The following CIROZ variants were observed in gnomAD, a reference collection of about 807,000 sequenced individuals.
CIROZ encodes ciliated left-right organizer ZP-N domains-containing protein.
At chr1:10,969,439 G>T in the CIROZ span, among the ~76,000 whole-genome samples, 2 of 152,114 alleles carry the variant, frequency 1.3e-5, no homozygotes, top group Admixed American at 6.6e-5. Context: ...TTTTAGGTGC[G>T]CTCTTCCCCC....
the CIROZ span, chr1:10,957,037 G>A: frequency 6.4e-7 from 1 of 1,551,238 alleles, no homozygotes; most frequent in Admixed American, 2.0e-5. Flanking sequence ...TGGGCAAGCA[G>A]CTTCTAAAGA....
the CIROZ span, among the ~76,000 whole-genome samples, chr1:10,961,532 T>C: frequency 6.6e-6 from 1 of 152,220 alleles, no homozygotes; most frequent in East Asian, 1.9e-4. Flanking sequence ...ACACTCATTT[T>C]TGAAGCTCAG....
At chr1:10,947,805 A>T in the CIROZ span, 1 of 1,599,356 alleles carries the variant, frequency 6.3e-7, no homozygotes, top group Non-Finnish European at 8.6e-7. Flanking sequence ...GGGGTATTCA[A>T]GCTCCACCAG....
the CIROZ span, chr1:10,948,071 G>C: frequency 6.2e-7 from 1 of 1,613,410 alleles, no homozygotes; most frequent in Non-Finnish European, 8.5e-7. Flanking sequence ...TGGGCATCCC[G>C]GTGAGTTCAG....
chr1:10,970,186 G>C, the CIROZ span: 108 of 1,132,752 alleles, frequency 9.5e-5, no homozygotes, highest in Non-Finnish European at 1.2e-4. Flanking sequence ...GGAAAAGAAG[G>C]AGCTCCTCTC....
chr1:10,968,204 G>A, the CIROZ span, among the ~76,000 whole-genome samples: 6 of 152,122 alleles, frequency 3.9e-5, no homozygotes, highest in Non-Finnish European at 7.4e-5. Flanking sequence ...AAAAATAAAG[G>A]GGGCTATCTC....
At chr1:10,975,018 T>A in the CIROZ span, among the ~76,000 whole-genome samples, 2 of 152,114 alleles carry the variant, frequency 1.3e-5, no homozygotes, top group Non-Finnish European at 2.9e-5. Flanking sequence ...ACGCCTGTCA[T>A]CCCAGCACTT....
At chr1:10,961,946 C>A in the CIROZ span, among the ~76,000 whole-genome samples, 1 of 152,114 alleles carries the variant, frequency 6.6e-6, no homozygotes, top group Admixed American at 6.5e-5. Context: ...GACTCTGTCT[C>A]AAAATAAATA....
chr1:10,947,592 C>G, the CIROZ span: 1 of 1,275,648 alleles, frequency 7.8e-7, no homozygotes. Context: ...CGACCCATCA[C>G]TGCCTCCCAC....
At chr1:10,975,970 C>T in the CIROZ span, among the ~76,000 whole-genome samples, 2 of 152,128 alleles carry the variant, frequency 1.3e-5, no homozygotes, top group African/African-American at 4.8e-5. Context: ...CTCCAGCACT[C>T]GGCCTGCAGG....
At chr1:10,965,570 C>G in the CIROZ span, among the ~76,000 whole-genome samples, 2 of 151,858 alleles carry the variant, frequency 1.3e-5, no homozygotes, top group African/African-American at 2.4e-5. Context: ...ACAAAAAGTA[C>G]AAAAATTACC....
the CIROZ span, among the ~76,000 whole-genome samples, chr1:10,980,810 G>C: frequency 6.6e-6 from 1 of 152,224 alleles, no homozygotes; most frequent in African/African-American, 2.4e-5. Flanking sequence ...CCCCATCCCA[G>C]TCTGGGGGGA....
At chr1:10,969,889 TG>T in the CIROZ span, 1 of 1,439,910 alleles carries the variant, frequency 6.9e-7, no homozygotes, top group Non-Finnish European at 9.1e-7. Context: ...GCAAGAGCCA[TG>T]GGGGAGGAGC....
the CIROZ span, chr1:10,982,052 GCT>G: frequency 6.5e-7 from 1 of 1,537,078 alleles, no homozygotes; most frequent in African/African-American, 1.4e-5. Context: ...AGGCCCAGCA[GCT>G]CTCTCCTGCC....
the CIROZ span, chr1:10,957,770 C>T: frequency 4.7e-5 from 76 of 1,606,520 alleles, no homozygotes; most frequent in African/African-American, 3.3e-4. Context: ...AAAGAGGACA[C>T]GATCACAAAC....
the CIROZ span, chr1:10,947,697 C>A: frequency 1.3e-6 from 2 of 1,528,172 alleles, no homozygotes; most frequent in Non-Finnish European, 1.8e-6. Context: ...CCCCTCCACA[C>A]TGTCTTGAAG....
the CIROZ span, chr1:10,957,684 A>G: frequency 6.2e-7 from 1 of 1,614,188 alleles, no homozygotes; most frequent in Non-Finnish European, 8.5e-7. Flanking sequence ...ATGTCCACAT[A>G]CAGTCCCATC....
the CIROZ span, chr1:10,976,331 A>G: frequency 1.1e-6 from 1 of 909,466 alleles, no homozygotes; most frequent in Non-Finnish European, 1.6e-6. Context: ...TTCACTCATT[A>G]TATTTCTTTT....
At chr1:10,948,834 C>T in the CIROZ span, 1 of 1,495,326 alleles carries the variant, frequency 6.7e-7, no homozygotes, top group East Asian at 2.3e-5. Flanking sequence ...CAGGAATGGT[C>T]CAAGCCCCTT....
Sources: allele counts gnomAD v4.1 joint callset (sites outside exome capture counted in the v4.1 genomes callset), GRCh38; gene constraint gnomAD v4.1.1; transcripts MANE v1.5; gene names NCBI Gene and HGNC (gene_info 2026-07-23, HGNC 2026-07-21).